GMEB1: variants seen among roughly 807,000 people sequenced by gnomAD.
The protein encoded by GMEB1 is glucocorticoid modulatory element binding protein 1.
Under a neutral mutation model 52.4 loss-of-function variants are expected in GMEB1, and 6 were observed. The observed-to-expected ratio is 0.11, with a 90% CI of 0.06 to 0.23. The LOEUF is 0.23. Ranked by LOEUF, GMEB1 falls within the 10% of genes least tolerant of loss-of-function variation. The pLI is 1.00. For synonymous variants in GMEB1, 255 were observed against 244.9 expected, an observed-to-expected ratio of 1.04 and a Z score of -0.38; for missense variants, 486 against 685.6, an observed-to-expected ratio of 0.71 and a Z score of 3.25.
At chr1:28,672,825 C>A (rs1668961077) in intron 1 of GMEB1, among the ~76,000 whole-genome samples, 1 of 150,904 alleles carries the variant, frequency 6.6e-6, no homozygotes, top group African/African-American at 2.4e-5. Flanking sequence ...CTGCAACCTC[C>A]TCCTCCTGGG....
chr1:28,696,482 T>C (rs1235976075), intron 5 of GMEB1, among the ~76,000 whole-genome samples: 3 of 152,182 alleles, frequency 2.0e-5, no homozygotes, highest in African/African-American at 4.8e-5. Flanking sequence ...AAAAAATCTT[T>C]AGTGAAAGCC....
intron 9 of GMEB1, among the ~76,000 whole-genome samples, chr1:28,713,661 G>A (rs184868960): frequency 1.3e-5 from 2 of 152,346 alleles, no homozygotes; most frequent in African/African-American, 4.8e-5. Flanking sequence ...AGCCAATGCA[G>A]CAAGGCATTC....
chr1:28,710,136 G>C (rs1670978704), intron 8 of GMEB1, among the ~76,000 whole-genome samples: 1 of 151,926 alleles, frequency 6.6e-6, no homozygotes, highest in Admixed American at 6.6e-5. Context: ...GACAGAGCAA[G>C]ACTCTGTCTC....
chr1:28,705,610 CA>C, intron 8 of GMEB1, among the ~76,000 whole-genome samples: 1 of 151,326 alleles, frequency 6.6e-6, no homozygotes, highest in Non-Finnish European at 1.5e-5. Context: ...CCACCACACC[CA>C]GCTAATTTTT....
chr1:28,718,465 G>C lies in GMEB1; in HGVS notation c.*3692G>C, dbSNP rs1028774521. 6.6e-6 allele frequency: 1 copy of C among 152,110 alleles called. No individual in the cohort carries two copies. Among genetic ancestry groups the C allele is most frequent in the African/African-American group, 2.4e-5 (1 of 41,414 alleles). 9.4% of individuals were successfully genotyped at this position (152,110 alleles called of 1,614,324 possible). ...AATGTAAAAATTAGTCAAGTCTTGT[G>C]GCTCGCACTTGTAGACACAATTACT... On this transcript the variant is annotated 3_prime_UTR_variant, in exon 10 of 10. Transcript: ENST00000373816.
intron 8 of GMEB1, among the ~76,000 whole-genome samples, chr1:28,707,833 G>GTGAC (rs1670852718): frequency 6.6e-6 from 1 of 152,146 alleles, no homozygotes; most frequent in African/African-American, 2.4e-5. Flanking sequence ...ACCAAGTGAG[G>GTGAC]TGACTGTGGA....
At chr1:28,709,753 A>G (rs1373316385) in intron 8 of GMEB1, among the ~76,000 whole-genome samples, 1 of 151,826 alleles carries the variant, frequency 6.6e-6, no homozygotes, top group African/African-American at 2.4e-5. Context: ...AATTTTATTT[A>G]TTTATTTATT....
chr1:28,711,751 A>C (rs1286214859), intron 9 of GMEB1, among the ~76,000 whole-genome samples: 1 of 152,196 alleles, frequency 6.6e-6, no homozygotes, highest in Non-Finnish European at 1.5e-5. Context: ...CATTGTGCTC[A>C]GCCCTATTAG....
At chr1:28,692,363 C>T (rs748705617) in intron 4 of GMEB1, among the ~76,000 whole-genome samples, 6 of 152,000 alleles carry the variant, frequency 3.9e-5, no homozygotes, top group Non-Finnish European at 7.4e-5. Flanking sequence ...GAAACCCCAT[C>T]TCTACTAAAA....
chr1:28,710,733 T>C, intron 9 of GMEB1, 91 bp downstream of exon 9: 1 of 962,784 alleles, frequency 1.0e-6, no homozygotes, highest in Non-Finnish European at 1.4e-6. Flanking sequence ...GGTAACTTTT[T>C]TTTTTTTAAA....
intron 6 of GMEB1, among the ~76,000 whole-genome samples, chr1:28,700,961 G>C (rs192332843): frequency 8.6e-5 from 13 of 151,978 alleles, no homozygotes; most frequent in African/African-American, 3.1e-4. Context: ...GGAAAATATG[G>C]TATTTGCAGG....
chr1:28,704,028 CAG>C (rs1557518045), intron 7 of GMEB1, among the ~76,000 whole-genome samples, 162 bp from the exon 8 acceptor site: 3 of 152,072 alleles, frequency 2.0e-5, no homozygotes, highest in Admixed American at 2.0e-4. Context: ...GGTGCCCACT[CAG>C]GGAAGCATCT....
At chr1:28,714,028 A>G (rs1484750569) in intron 9 of GMEB1, 45 bp from the exon 10 acceptor site, 1 of 1,437,092 alleles carries the variant, frequency 7.0e-7, no homozygotes, top group Non-Finnish European at 9.6e-7. Context: ...AATGCTCCCA[A>G]GATTTTACTT....
In GMEB1 at chr1:28,690,137, A is replaced by G; in HGVS notation, c.162A>G (p.Ala54=). ...AAGCTGGGTCGGAGAACAACACGGCAGTTGTAGCAGTAGAAACTCACACGA... is the reference window on the plus strand; with the variant it reads ...AAGCTGGGTCGGAGAACAACACGGCGGTTGTAGCAGTAGAAACTCACACGA... ...IYEAGSENNT[A]VVAVETHTIH... Residue 54 remains alanine (A), a synonymous_variant, in exon 3 of 10, where the codon GCA becomes GCG. Coordinates refer to ENST00000373816, the MANE Select transcript of GMEB1 (RefSeq NM_001319674.2). 6.2e-7 allele frequency: 1 copy of G among 1,600,882 alleles called. No individual in the cohort carries two copies.
chr1:28,682,657 A>G (rs1669445952), intron 1 of GMEB1, among the ~76,000 whole-genome samples: 1 of 151,356 alleles, frequency 6.6e-6, no homozygotes, highest in Non-Finnish European at 1.5e-5. Context: ...GAGGTCATAC[A>G]GGTGAATTCA....
At chr1:28,670,173 A>ATTTATTTATTTATTTG (rs1049993116) in intron 1 of GMEB1, among the ~76,000 whole-genome samples, 19 of 151,870 alleles carry the variant, frequency 1.3e-4, no homozygotes, top group South Asian at 8.3e-4. Flanking sequence ...TTATTTATTT[A>ATTTATTTATTTATTTG]TTTGTTTTTT....
At chr1:28,684,330 G>A (rs548483948) in intron 2 of GMEB1, among the ~76,000 whole-genome samples, 36 of 152,016 alleles carry the variant, frequency 2.4e-4, no homozygotes, top group Non-Finnish European at 5.9e-5. Context: ...TTGGGAGGCC[G>A]AGGCGCGTGG....
chr1:28,685,601 A>T (rs555948024), intron 2 of GMEB1, among the ~76,000 whole-genome samples: 1 of 152,292 alleles, frequency 6.6e-6, no homozygotes, highest in South Asian at 2.1e-4. Context: ...GCCATAGTAG[A>T]TATAGAGAAT....
At chr1:28,684,320 T>C (rs997247331) in intron 2 of GMEB1, among the ~76,000 whole-genome samples, 3 of 151,972 alleles carry the variant, frequency 2.0e-5, no homozygotes, top group East Asian at 3.9e-4. Context: ...TCCCAGCACT[T>C]TGGGAGGCCG....
Sources: allele counts gnomAD v4.1 joint callset (sites outside exome capture counted in the v4.1 genomes callset), GRCh38; gene constraint gnomAD v4.1.1; transcripts MANE v1.5; gene names NCBI Gene and HGNC (gene_info 2026-07-23, HGNC 2026-07-21).